Variants in ZNF782 observed in about 807,000 individuals in gnomAD.
ZNF782 encodes zinc finger protein 782.
ZNF782 carries 12 observed loss-of-function variants against 13.0 expected under a neutral mutation model. The observed-to-expected ratio is 0.92, with a 90% CI of 0.59 to 1.50. The LOEUF is 1.50. Ranked by LOEUF, ZNF782 falls within the 40% of genes most tolerant of loss-of-function variation. ZNF782 has a pLI of 0.00. For synonymous variants in ZNF782, 284 were observed against 283.0 expected (o/e 1.00, Z -0.04); for missense variants, 770 against 822.9 (o/e 0.94, Z 0.79).
chr9:96,915,150 C>G, the ZNF782 span, among the ~76,000 whole-genome samples: 3 of 151,594 alleles, frequency 2.0e-5, no homozygotes, highest in African/African-American at 7.3e-5. Flanking sequence ...TTTTAGGTAT[C>G]CAATATAATA....
chr9:96,904,788 TTC>T, the ZNF782 span, among the ~76,000 whole-genome samples: 2 of 114,934 alleles, frequency 1.7e-5, no homozygotes, highest in East Asian at 2.8e-4. Flanking sequence ...GAAAATTTTC[TTC>T]TGTTTTCTTT....
chr9:96,862,462 T>C (rs769754326), intron 1 of ZNF782, among the ~76,000 whole-genome samples: 1 of 152,220 alleles, frequency 6.6e-6, no homozygotes, highest in Non-Finnish European at 1.5e-5. Context: ...TAGGCCTGTA[T>C]CAAAATATTT....
At chr9:96,912,199 A>C in the ZNF782 span, among the ~76,000 whole-genome samples, 1 of 100,512 alleles carries the variant, frequency 9.9e-6, no homozygotes, top group Non-Finnish European at 1.8e-5. Flanking sequence ...CTCCGTCTCG[A>C]AAAAAAAAAA....
upstream of ZNF782, among the ~76,000 whole-genome samples, chr9:96,879,421 T>C (rs1851935607): frequency 6.6e-6 from 1 of 152,174 alleles, no homozygotes; most frequent in South Asian, 2.1e-4. Context: ...GAGAATGGCG[T>C]GAACCCAGAA....
the ZNF782 span, among the ~76,000 whole-genome samples, chr9:96,911,510 G>GTTTTTTTTTTTTTTTTTT: frequency 3.6e-5 from 4 of 109,676 alleles, no homozygotes; most frequent in East Asian, 6.6e-4. Context: ...TTTTTTTTTT[G>GTTTTTTTTTTTTTTTTTT]TTTTTGTTTT....
At chr9:96,924,886 G>A in the ZNF782 span, among the ~76,000 whole-genome samples, 2 of 152,328 alleles carry the variant, frequency 1.3e-5, no homozygotes, top group South Asian at 4.1e-4. Flanking sequence ...CGGCCTGGGC[G>A]TCCCGCAGGG....
the ZNF782 span, among the ~76,000 whole-genome samples, chr9:96,912,790 G>A: frequency 6.6e-6 from 1 of 151,414 alleles, no homozygotes; most frequent in Non-Finnish European, 1.5e-5. Context: ...GCCTCCCAAT[G>A]TGCTGGGGTT....
intron 5 of ZNF782, among the ~76,000 whole-genome samples, chr9:96,824,323 A>T (rs1431929101): frequency 6.6e-6 from 1 of 150,804 alleles, no homozygotes; most frequent in Non-Finnish European, 1.5e-5. Flanking sequence ...ATCTCAATAG[A>T]TGCAGAAAAG....
the ZNF782 span, among the ~76,000 whole-genome samples, chr9:96,925,099 C>T: frequency 2.6e-5 from 4 of 152,180 alleles, no homozygotes; most frequent in East Asian, 5.8e-4. Flanking sequence ...CCTTTCCGCT[C>T]GCGCTGCGTC....
chr9:96,861,006 G>C (rs1851696756), intron 2 of ZNF782, among the ~76,000 whole-genome samples: 1 of 152,164 alleles, frequency 6.6e-6, no homozygotes. Flanking sequence ...CAGCACTTTG[G>C]GAGGCTGAGA....
At chr9:96,887,317 GGA>G in the ZNF782 span, 1 of 148,894 alleles carries the variant, frequency 6.7e-6, no homozygotes, top group Non-Finnish European at 1.5e-5. Flanking sequence ...AAGGAAGGAA[GGA>G]AGGAAGGAAG....
intron 4 of ZNF782, among the ~76,000 whole-genome samples, chr9:96,832,997 G>GT (rs1351413491): frequency 6.6e-6 from 1 of 151,922 alleles, no homozygotes; most frequent in Non-Finnish European, 1.5e-5. Flanking sequence ...ATTCAGTCTA[G>GT]TTTTTTCTCT....
At chr9:96,881,988 A>AGTGT in the ZNF782 span, among the ~76,000 whole-genome samples, 5,783 of 148,358 alleles carry the variant, frequency 0.039, 260 homozygotes, top group East Asian at 0.22. Context: ...TGGAAGTATG[A>AGTGT]GTGTGTGTGT....
At chr9:96,896,925 C>G in the ZNF782 span, among the ~76,000 whole-genome samples, 21,728 of 152,172 alleles carry the variant, frequency 0.14, 3,602 homozygotes, top group African/African-American at 0.39. Flanking sequence ...CTCTCCTTTT[C>G]AGAAGCAGTT....
At chr9:96,879,273 G>C (rs1438703241), upstream of ZNF782, among the ~76,000 whole-genome samples, 2 of 152,186 alleles carry the variant, frequency 1.3e-5, no homozygotes, top group Non-Finnish European at 2.9e-5. Context: ...CAGATCACGA[G>C]GTCAAGAGAT....
intron 1 of ZNF782, among the ~76,000 whole-genome samples, chr9:96,873,079 G>A (rs1288941107): frequency 6.8e-6 from 1 of 146,646 alleles, no homozygotes; most frequent in Non-Finnish European, 1.5e-5. Context: ...ATCACTGTTA[G>A]TTTTTTTTTT....
upstream of ZNF782, among the ~76,000 whole-genome samples, chr9:96,857,836 A>G (rs1275532997): frequency 6.6e-6 from 1 of 152,246 alleles, no homozygotes; most frequent in Non-Finnish European, 1.5e-5. Context: ...ACATCTTTCT[A>G]TTAGCTTTAG....
At chr9:96,899,901 G>A in the ZNF782 span, among the ~76,000 whole-genome samples, 1 of 151,832 alleles carries the variant, frequency 6.6e-6, no homozygotes, top group South Asian at 2.1e-4. Flanking sequence ...CCGGGCTGAC[G>A]TGATCCTCCT....
chr9:96,894,020 A>T, the ZNF782 span: 1 of 146,028 alleles, frequency 6.8e-6, no homozygotes, highest in Non-Finnish European at 1.5e-5. Flanking sequence ...AAAAAAAAAA[A>T]TGATGAGTTC....
Sources: allele counts gnomAD v4.1 joint callset (sites outside exome capture counted in the v4.1 genomes callset), GRCh38; gene constraint gnomAD v4.1.1; transcripts MANE v1.5; gene names NCBI Gene and HGNC (gene_info 2026-07-23, HGNC 2026-07-21).